Variants in PCDH9 observed in about 807,000 individuals in gnomAD.
PCDH9 encodes the protein protocadherin-9.
Under a neutral mutation model 70.6 loss-of-function variants are expected in PCDH9, and 24 were observed. The observed-to-expected ratio is 0.34, with a 90% CI of 0.25 to 0.48. The LOEUF is 0.48. PCDH9 is among the 20% of genes least tolerant of loss of function. The pLI is 0.99. For synonymous variants in PCDH9, 562 were observed against 558.5 expected (o/e 1.01, Z -0.09); for missense variants, 1,281 against 1,503.6 (o/e 0.85, Z 2.45).
intron 3 of PCDH9, among the ~76,000 whole-genome samples, chr13:66,895,924 C>A (rs889696578): frequency 1.3e-5 from 2 of 152,180 alleles, no homozygotes; most frequent in African/African-American, 4.8e-5. Context: ...AGCTGTCAGG[C>A]TGAATGGTAA....
intron 4 of PCDH9, among the ~76,000 whole-genome samples, chr13:66,527,709 C>CATTTATTAA (rs1960275769): frequency 6.6e-6 from 1 of 152,064 alleles, no homozygotes. Flanking sequence ...TATAAAGGAA[C>CATTTATTAA]AGGTCATTTA....
chr13:66,616,665 C>T (rs556821206), intron 4 of PCDH9, among the ~76,000 whole-genome samples: 9 of 151,964 alleles, frequency 5.9e-5, no homozygotes, highest in Non-Finnish European at 8.8e-5. Context: ...AATAGGATGA[C>T]TATCACTTGG....
At chr13:66,623,192 G>A (rs1415105097) in intron 4 of PCDH9, among the ~76,000 whole-genome samples, 1 of 152,144 alleles carries the variant, frequency 6.6e-6, no homozygotes, top group Admixed American at 6.5e-5. Context: ...CACCAATTCC[G>A]GACACACTAT....
intron 2 of PCDH9, among the ~76,000 whole-genome samples, chr13:67,089,017 C>G (rs548002252): frequency 9.8e-4 from 149 of 152,042 alleles, no homozygotes; most frequent in Non-Finnish European, 1.8e-3. Flanking sequence ...GCATATTTCC[C>G]TTGTATATGC....
intron 4 of PCDH9, among the ~76,000 whole-genome samples, chr13:66,439,316 T>C (rs1284161631): frequency 6.6e-6 from 1 of 152,176 alleles, no homozygotes; most frequent in Non-Finnish European, 1.5e-5. Context: ...ATCTATAAAA[T>C]ACAGTTAACA....
rs189792056 is a variant in PCDH9 at position 66,876,031 on chromosome 13, A to T, written c.3138+27473T>A. ...CTGACCATCAAAACAATTCATCAAGACATTAAATATCTTCATTGCAAACTC... is the reference window on the plus strand; with the variant it reads ...CTGACCATCAAAACAATTCATCAAGTCATTAAATATCTTCATTGCAAACTC... On this transcript the variant is annotated intron_variant, in intron 3 of 4. Transcript: ENST00000377865. Among the ~76,000 whole-genome samples, 197 of 152,322 alleles carry T rather than the reference A, an allele frequency of 1.3e-3. 5 individuals are homozygous for T. In the East Asian group the frequency reaches 0.033, roughly 25 times the overall value.
chr13:66,326,673 C>T (rs1955853624), intron 4 of PCDH9, among the ~76,000 whole-genome samples: 1 of 152,118 alleles, frequency 6.6e-6, no homozygotes, highest in Non-Finnish European at 1.5e-5. Flanking sequence ...CCTGCCTCAG[C>T]CCTCACACCT....
chr13:67,174,266 T>C (rs534413979), intron 2 of PCDH9, among the ~76,000 whole-genome samples: 3 of 151,310 alleles, frequency 2.0e-5, no homozygotes, highest in African/African-American at 4.9e-5. Flanking sequence ...GATAGATAGA[T>C]AGATGATAGA....
chr13:67,074,114 C>G (rs2085828500), intron 2 of PCDH9, among the ~76,000 whole-genome samples: 1 of 151,830 alleles, frequency 6.6e-6, no homozygotes, highest in South Asian at 2.1e-4. Context: ...ATCTATCTAT[C>G]TATCTATCTG....
chr13:66,337,552 T>G (rs1386719678), intron 4 of PCDH9, among the ~76,000 whole-genome samples: 1 of 151,980 alleles, frequency 6.6e-6, no homozygotes, highest in Non-Finnish European at 1.5e-5. Flanking sequence ...TTTCCAGTAT[T>G]TCCACCTGTC....
At chr13:67,071,794 C>G (rs1321839798) in intron 2 of PCDH9, among the ~76,000 whole-genome samples, 5 of 148,450 alleles carry the variant, frequency 3.4e-5, no homozygotes, top group Non-Finnish European at 7.4e-5. Context: ...GAGGCTGAGG[C>G]AGGAGAATCA....
intron 3 of PCDH9, among the ~76,000 whole-genome samples, chr13:66,758,066 TTTA>T (rs1351892142): frequency 3.3e-5 from 5 of 152,044 alleles, no homozygotes; most frequent in African/African-American, 4.8e-5. Context: ...CAAAATGTTG[TTTA>T]TTATCTTATT....
intron 4 of PCDH9, among the ~76,000 whole-genome samples, chr13:66,347,966 T>A (rs993446715): frequency 6.6e-6 from 1 of 152,212 alleles, no homozygotes; most frequent in Admixed American, 6.5e-5. Flanking sequence ...ACAATTCAAA[T>A]AGCAGCCTTT....
chr13:66,496,732 C>T (rs1959123922), intron 4 of PCDH9, among the ~76,000 whole-genome samples: 1 of 152,176 alleles, frequency 6.6e-6, no homozygotes, highest in Non-Finnish European at 1.5e-5. Flanking sequence ...CAATTAGGTA[C>T]TTGTCCCTTA....
At chr13:66,522,150 T>A (rs1196209445) in intron 4 of PCDH9, among the ~76,000 whole-genome samples, 2 of 151,278 alleles carry the variant, frequency 1.3e-5, no homozygotes, top group Non-Finnish European at 2.9e-5. Context: ...GGAAATTTTT[T>A]TAAAAAAATA....
At chr13:66,389,617 G>C (rs1956985177) in intron 4 of PCDH9, among the ~76,000 whole-genome samples, 1 of 152,104 alleles carries the variant, frequency 6.6e-6, no homozygotes, top group African/African-American at 2.4e-5. Context: ...ACCAAAAAAG[G>C]CTTAAAACTG....
intron 4 of PCDH9, among the ~76,000 whole-genome samples, chr13:66,564,862 A>AG (rs901717765): frequency 1.7e-5 from 2 of 119,714 alleles, no homozygotes; most frequent in Middle Eastern, 4.6e-3. Flanking sequence ...CACATAATGT[A>AG]GGGTTTTTTT....
intron 3 of PCDH9, among the ~76,000 whole-genome samples, chr13:66,660,352 G>T (rs2077992257): frequency 7.6e-5 from 8 of 105,644 alleles, no homozygotes; most frequent in Admixed American, 6.8e-4. Context: ...ACCTTATAAT[G>T]AATCACTGCA....
chr13:66,317,876 C>T (rs1017479023), intron 4 of PCDH9, among the ~76,000 whole-genome samples: 4 of 151,684 alleles, frequency 2.6e-5, no homozygotes. Flanking sequence ...TTTTAAAAGG[C>T]TAATATGTCA....
Sources: gnomAD v4.1 joint callset for allele counts (sites outside exome capture counted in the v4.1 genomes callset) on GRCh38, gnomAD v4.1.1 for gene constraint, MANE v1.5 for transcripts, NCBI Gene and HGNC (gene_info 2026-07-23, HGNC 2026-07-21) for gene names.